Variants in PPARA observed in about 807,000 individuals in gnomAD.
PPARA encodes peroxisome proliferator activated receptor alpha.
A neutral mutation model predicts 42.2 loss-of-function variants in PPARA; 22 were observed. The ratio of observed to expected loss-of-function variants is 0.52; its 90% CI spans 0.37 to 0.74. The LOEUF (loss-of-function observed/expected upper bound fraction) is 0.74, where lower values mean the gene tolerates loss of function less well. PPARA is among the 30% of genes least tolerant of loss of function. PPARA has a pLI of 0.00. For synonymous variants in PPARA, 242 were observed against 239.3 expected (o/e 1.01, Z -0.10); for missense variants, 465 against 608.2 (o/e 0.76, Z 2.48).
rs1032383699 is a variant in PPARA, at chr22:46,203,290, G to A, written c.208+4699G>A. The stretch of plus-strand genomic sequence containing the variant: ...GGTAATATTCCTAGTTATGTAGACT[G>A]GTCTCTCAGAAGAGCCGGATATTAA... On this transcript the variant is annotated intron_variant, in intron 4 of 8. Coordinates refer to ENST00000407236, the MANE Select transcript of PPARA (RefSeq NM_005036.6). This position sits in a 1 kb window ranked among gnomAD's most constrained non-coding sequence, Gnocchi z 5.8. Among the ~76,000 whole-genome samples, 1 of 152,144 alleles carries A rather than the reference G, an allele frequency of 6.6e-6. No homozygotes were observed. The highest frequency in any genetic ancestry group is 2.4e-5 in the African/African-American group (1 of 41,444).
chr22:46,199,882 C>A (rs1165451104), intron 4 of PPARA, among the ~76,000 whole-genome samples: 1 of 152,038 alleles, frequency 6.6e-6, no homozygotes. Context: ...GTCACCATGC[C>A]GGGCTAATTT....
At position 46,180,033 on chromosome 22, in the gene PPARA, A is replaced by G. The variant is rs530148123; in HGVS notation, c.-43+3197A>G. Among the ~76,000 whole-genome samples the G allele has an allele frequency of 1.4e-4, 21 of 152,304 alleles. No homozygotes were observed. The highest frequency in any genetic ancestry group is 5.1e-4 in the African/African-American group (21 of 41,560). On this transcript the variant is annotated intron_variant, in intron 3 of 8. Coordinates refer to ENST00000407236, the MANE Select transcript of PPARA (RefSeq NM_005036.6). This position sits in a 1 kb window ranked among gnomAD's most constrained non-coding sequence, Gnocchi z 4.2. ...CCCATGCTAATGTTCTACAACTTAC[A>G]CAGTGGTGGTATGATACCACTACAT...
chr22:46,217,819 C>CTTTTTTTTTTTTTTTTTTTTT lies in PPARA; in HGVS notation c.370-435_370-415dup, dbSNP rs60894989. ...GACTTCTTAGAAGAACTATTTCTTTCTTTTTTTTTTTTTTTTTTTTTTTTT... is the reference window on the plus strand; with the variant it reads ...GACTTCTTAGAAGAACTATTTCTTTCTTTTTTTTTTTTTTTTTTTTTTTTTTTTTTTTTTTTTTTTTTTTTT... On this transcript the variant is annotated intron_variant, in intron 5 of 8. Coordinates refer to ENST00000407236, the MANE Select transcript of PPARA (RefSeq NM_005036.6). Among the ~76,000 whole-genome samples the CTTTTTTTTTTTTTTTTTTTTT allele has an allele frequency of 1.0e-4, 8 of 77,056 alleles. 1 individual carries two copies. Among genetic ancestry groups the CTTTTTTTTTTTTTTTTTTTTT allele is most frequent in the Middle Eastern group, 9.4e-3 (1 of 106 alleles). The allele number at this position is 77,056 out of a possible 152,430, so 50.6% of individuals were successfully genotyped here.
chr22:46,169,982 A>C (rs1174644785), intron 2 of PPARA, among the ~76,000 whole-genome samples: 1 of 151,702 alleles, frequency 6.6e-6, no homozygotes, highest in East Asian at 1.9e-4. Context: ...TGTTCAATGC[A>C]CTCCCTCCCA....
chr22:46,215,182 C>T lies in PPARA; in HGVS notation c.218C>T (p.Ser73Leu), dbSNP rs770331174. ...SDGSVITDTL[S>L]PASSPSSVTY... ...TCCTCTTTTTCCCCAGACACGCTTT[C>T]ACCAGCTTCGAGCCCCTCCTCGGTG... The change falls in exon 5 of 9, where the codon TCA becomes TTA. Residue 73 changes from serine to leucine, a missense_variant. Around this residue, in one of 2 missense-constraint regions of PPARA, gnomAD observed 152 missense variants for 139.1 expected, o/e 1.09. Transcript: ENST00000407236. 4.3e-6 allele frequency: 7 copies of T among 1,613,886 alleles called. No homozygotes were observed. In the African/African-American group the frequency reaches 9.3e-5, roughly 22 times the overall value.
rs1391716013 is a variant in PPARA at position 46,165,898 on chromosome 22, C to T, written c.-126-10855C>T. ...TTCAGTCAGTGGCCAGCTGCAGTGG[C>T]TCATGCATGTAATCCCAGCGCTTTG... is the stretch of plus-strand genomic sequence containing the variant. On this transcript the variant is annotated intron_variant, in intron 2 of 8. Coordinates refer to ENST00000407236, the MANE Select transcript of PPARA (RefSeq NM_005036.6). This position sits in a 1 kb window ranked among gnomAD's most constrained non-coding sequence, Gnocchi z 5.5. Among the ~76,000 whole-genome samples, 2 of 152,232 alleles carry T rather than the reference C, an allele frequency of 1.3e-5. No homozygotes were observed. The highest frequency in any genetic ancestry group is 4.8e-5 in the African/African-American group (2 of 41,448).
intron 2 of PPARA, among the ~76,000 whole-genome samples, chr22:46,157,007 C>G (rs1281021745): frequency 6.6e-6 from 1 of 152,160 alleles, no homozygotes; most frequent in Non-Finnish European, 1.5e-5. Flanking sequence ...GCCTCTTCAT[C>G]TTGAAGAGGG....
Position 46,215,322 on chromosome 22 carries a change from G to C in PPARA, c.358G>C (p.Glu120Gln). The C allele has an allele frequency of 1.9e-6, 3 of 1,614,212 alleles. No homozygotes were observed. The highest frequency in any genetic ancestry group is 2.5e-6 in the Non-Finnish European group (3 of 1,180,038). The part of the protein sequence containing the change: ...SGYHYGVHAC[E>Q]GCKGFFRRTI... ...CTATCATTACGGAGTCCACGCGTGT[G>C]AAGGCTGCAAGGTAGAGGGGAGCTG... Residue 120 changes from glutamate to glutamine, a missense_variant, in exon 5 of 9, where the codon GAA (glutamate) becomes CAA (glutamine). Around this residue, in one of 2 missense-constraint regions of PPARA, gnomAD observed 313 missense variants for 469.1 expected, o/e 0.67. Coordinates refer to ENST00000407236, the MANE Select transcript of PPARA (RefSeq NM_005036.6).
chr22:46,164,362 A>C (rs5769175), intron 2 of PPARA: 30,246 of 150,908 alleles, frequency 0.2, 3,734 homozygotes, highest in African/African-American at 0.36. Flanking sequence ...AAGCCATTCT[A>C]CTGCCTCAGC....
At position 46,171,299 on chromosome 22, in the gene PPARA, C is replaced by G. The variant is rs2147192658; in HGVS notation, c.-126-5454C>G. Reference sequence around the variant, plus strand: ...AGATTCGTGCATTCTAGTTCAAACTCCACCAGATATTTGAGCTCCTTCTCT... The same window carrying G: ...AGATTCGTGCATTCTAGTTCAAACTGCACCAGATATTTGAGCTCCTTCTCT... On this transcript the variant is annotated intron_variant, in intron 2 of 8. Coordinates refer to ENST00000407236, the MANE Select transcript of PPARA (RefSeq NM_005036.6). This position sits in a 1 kb window ranked among gnomAD's most constrained non-coding sequence, Gnocchi z 5.0. The G allele has an allele frequency of 6.6e-6, 1 of 152,364 alleles. No individual in the cohort carries two copies. Among genetic ancestry groups the G allele is most frequent in the African/African-American group, 2.4e-5 (1 of 41,550 alleles). 9.4% of individuals were successfully genotyped at this position (152,364 alleles called of 1,614,324 possible).
intron 3 of PPARA, among the ~76,000 whole-genome samples, chr22:46,197,945 C>T (rs146299837): frequency 1.6e-3 from 240 of 151,182 alleles, no homozygotes; most frequent in African/African-American, 5.5e-3. Context: ...AAAATTAAAA[C>T]AAACAGCCGG....
Position 46,189,000 on chromosome 22 carries a change from G to A in PPARA, c.-42-9342G>A, listed in dbSNP as rs894212620. Among the ~76,000 whole-genome samples the A allele has an allele frequency of 1.3e-5, 2 of 152,156 alleles. No individual in the cohort carries two copies. Among genetic ancestry groups the A allele is most frequent in the Non-Finnish European group, 2.9e-5 (2 of 68,026 alleles). ...GCCACTGCGCCCAGGCTGCTTCCTC[G>A]TCATCTGGCTGCTAAATGCTTCAAC... On this transcript the variant is annotated intron_variant, in intron 3 of 8. Coordinates refer to ENST00000407236, the MANE Select transcript of PPARA (RefSeq NM_005036.6). The surrounding 1 kb of genome is among the most constrained non-coding windows in gnomAD (Gnocchi z 5.0).
At position 46,242,319 on chromosome 22, in the gene PPARA, C is replaced by T. The variant is rs45576140; in HGVS notation, c.*6939C>T. 6 of 152,560 alleles carry T rather than the reference C, an allele frequency of 3.9e-5. No homozygotes were observed. The highest frequency in any genetic ancestry group is 7.2e-5 in the African/African-American group (3 of 41,412). 9.5% of individuals were successfully genotyped at this position (152,560 alleles called of 1,614,324 possible). On this transcript the variant is annotated 3_prime_UTR_variant, in exon 9 of 9. Transcript: ENST00000407236. The surrounding 1 kb of genome is among the most constrained non-coding windows in gnomAD (Gnocchi z 6.1). ...AGGGTCAGCCTTCAGGCCCCGGAGA[C>T]GAGTGACTGGCCGATCATTTCACAA...
rs1040872675 is a variant in PPARA at position 46,184,096 on chromosome 22, T to G, written c.-43+7260T>G. ...ACAGTGCCTGGCATAGGATAAGGGCTCAAAAAGTGTTAGCTGGAACTACTA... is the reference window on the plus strand; with the variant it reads ...ACAGTGCCTGGCATAGGATAAGGGCGCAAAAAGTGTTAGCTGGAACTACTA... On this transcript the variant is annotated intron_variant, in intron 3 of 8. Transcript: ENST00000407236. This position sits in a 1 kb window ranked among gnomAD's most constrained non-coding sequence, Gnocchi z 4.4. 1.3e-5 allele frequency among the ~76,000 whole-genome samples: 2 copies of G among 152,228 alleles called. No individual in the cohort carries two copies. The highest frequency in any genetic ancestry group is 2.9e-5 in the Non-Finnish European group (2 of 68,044).
rs558462467 is a variant in PPARA, at chr22:46,225,133, G to A, written c.711+5119G>A. On this transcript the variant is annotated intron_variant, in intron 7 of 8. Transcript: ENST00000407236. The surrounding 1 kb of genome is among the most constrained non-coding windows in gnomAD (Gnocchi z 4.1). The stretch of plus-strand genomic sequence containing the variant: ...AGATGCCATTGCTTGAGGAAAGGTG[G>A]GCTTTAGCTGAGGGAAGGAGTGAGG... Among the ~76,000 whole-genome samples the A allele has an allele frequency of 6.6e-6, 1 of 152,260 alleles. No individual in the cohort carries two copies. The highest frequency in any genetic ancestry group is 1.9e-4 in the East Asian group (1 of 5,172).
Position 46,156,729 on chromosome 22 carries a change from G to A in PPARA, c.-127+4759G>A, listed in dbSNP as rs1314693242. 6.6e-6 allele frequency: 1 copy of A among 152,300 alleles called. No individual in the cohort carries two copies. Among genetic ancestry groups the A allele is most frequent in the Non-Finnish European group, 1.5e-5 (1 of 68,134 alleles). The allele number at this position is 152,300 out of a possible 1,614,324, so 9.4% of individuals were successfully genotyped here. ...CAATTCTCCCACCTCAGCCTCCTAA[G>A]TAGCTGGGACTACAGGCACCCGCCA... is the stretch of plus-strand genomic sequence containing the variant. On this transcript the variant is annotated intron_variant, in intron 2 of 8. Coordinates refer to ENST00000407236, the MANE Select transcript of PPARA (RefSeq NM_005036.6). The surrounding 1 kb of genome is among the most constrained non-coding windows in gnomAD (Gnocchi z 5.2).
At chr22:46,197,206 C>T (rs181779708) in intron 3 of PPARA, among the ~76,000 whole-genome samples, 2,806 of 152,044 alleles carry the variant, frequency 0.018, 87 homozygotes, top group African/African-American at 0.064. Context: ...CATGCCACCA[C>T]ACCCAGCTAA....
intron 4 of PPARA, among the ~76,000 whole-genome samples, chr22:46,201,490 G>T (rs1319005146): frequency 6.6e-6 from 1 of 152,100 alleles, no homozygotes; most frequent in East Asian, 1.9e-4. Flanking sequence ...GTGGGGAAGG[G>T]GACAGGGAGG....
In PPARA at chr22:46,187,075, G is replaced by A. The variant is rs180787911; in HGVS notation, c.-43+10239G>A. 3.7e-4 allele frequency among the ~76,000 whole-genome samples: 56 copies of A among 152,302 alleles called. No homozygotes were observed. In the East Asian group the frequency reaches 6.4e-3, roughly 17 times the overall value. On this transcript the variant is annotated intron_variant, in intron 3 of 8. Transcript: ENST00000407236. The surrounding 1 kb of genome is among the most constrained non-coding windows in gnomAD (Gnocchi z 4.9). The stretch of plus-strand genomic sequence containing the variant: ...ATAAGGGATATCTACTGTATAAGGT[G>A]GAGTTTTCAAGGTCATAGCACTGCC...
Sources: gnomAD v4.1 joint callset for allele counts (sites outside exome capture counted in the v4.1 genomes callset) on GRCh38, gnomAD v4.1.1 for gene constraint, gnomAD v4.1.1 regional missense constraint, Gnocchi (gnomAD v3.1) non-coding constraint, MANE v1.5 for transcripts, NCBI Gene and HGNC (gene_info 2026-07-23, HGNC 2026-07-21) for gene names.